Variants in ACADL observed in about 807,000 individuals in gnomAD.
ACADL encodes long-chain specific acyl-CoA dehydrogenase, mitochondrial.
In ACADL, 60 loss-of-function variants were observed where a neutral mutation model predicts 56.9. The observed-to-expected ratio is 1.05, with a 90% CI of 0.86 to 1.31. The LOEUF is 1.31. Ranked by LOEUF, ACADL falls within the 50% of genes most tolerant of loss-of-function variation. The pLI, the probability that ACADL is intolerant of heterozygous loss-of-function variation, is 0.00. For missense variants in ACADL, 484 were observed against 525.5 expected, an observed-to-expected ratio of 0.92 and a Z score of 0.77; for synonymous variants, 158 against 179.7, an observed-to-expected ratio of 0.88 and a Z score of 0.97.
Position 210,225,280 on chromosome 2 carries a change from C to T in ACADL, c.-17G>A. On this transcript the variant is annotated 5_prime_UTR_variant, in exon 1 of 11. Transcript: ENST00000233710. ...TGCGGCCATGTCCGAAACACAGGGG[C>T]GGCGGGGCGACGGAGGCGACTCTGC... 1.3e-6 allele frequency: 2 copies of T among 1,549,096 alleles called. No homozygotes were observed. The highest frequency in any genetic ancestry group is 1.2e-5 in the South Asian group (1 of 84,496).
Position 210,198,953 on chromosome 2 carries a change from A to G in ACADL, c.985-3615T>C, listed in dbSNP as rs1412433530. On this transcript the variant is annotated intron_variant, in intron 8 of 10. Coordinates refer to ENST00000233710, the MANE Select transcript of ACADL (RefSeq NM_001608.4). ...TTGCTACATCCATACGTAGGTTTCT[A>G]TTCTAAAAAGAAAATAAATTTTGTG... Among the ~76,000 whole-genome samples, 7 of 152,254 alleles carry G rather than the reference A, an allele frequency of 4.6e-5. No homozygotes were observed. In the East Asian group the frequency reaches 1.2e-3, roughly 25 times the overall value.
At position 210,188,170 on chromosome 2, in the gene ACADL, A is replaced by G. The variant is rs1055900149; in HGVS notation, c.*791T>C. 6.6e-6 allele frequency: 1 copy of G among 152,246 alleles called. No individual in the cohort carries two copies. Among genetic ancestry groups the G allele is most frequent in the Non-Finnish European group, 1.5e-5 (1 of 68,046 alleles). The allele number at this position is 152,246 out of a possible 1,614,324, so 9.4% of individuals were successfully genotyped here. A position where few individuals can be genotyped will look rare whatever the true frequency, so the allele number is the denominator to read the frequency against. On this transcript the variant is annotated 3_prime_UTR_variant, in exon 11 of 11. Transcript: ENST00000233710. ...ACAGCCTGGTTTATAGAAGACATAAAGTAATTATTAAGTTAATAAATACAT... is the reference window on the plus strand; with the variant it reads ...ACAGCCTGGTTTATAGAAGACATAAGGTAATTATTAAGTTAATAAATACAT...
At position 210,205,680 on chromosome 2, in the gene ACADL, T is replaced by C; in HGVS notation, c.720A>G (p.Lys240=). The change falls in exon 6 of 11, where the codon AAA becomes AAG. Residue 240 remains lysine (K), a synonymous_variant. Coordinates refer to ENST00000233710, the MANE Select transcript of ACADL (RefSeq NM_001608.4). ...GTAGCTTTCGTCCCTTGATAAATCCTTTCATTCCATTTTCCACCAGAAAAA... is the reference window on the plus strand; with the variant it reads ...GTAGCTTTCGTCCCTTGATAAATCCCTTCATTCCATTTTCCACCAGAAAAA... ...ISLFLVENGM[K]GFIKGRKLHK... 1.2e-6 allele frequency: 2 copies of C among 1,613,964 alleles called. No individual in the cohort carries two copies. The highest frequency in any genetic ancestry group is 1.7e-6 in the Non-Finnish European group (2 of 1,179,944).
At position 210,216,312 on chromosome 2, in the gene ACADL, T is replaced by C. The variant is rs181860201; in HGVS notation, c.536+35A>G. 4.3e-5 allele frequency: 70 copies of C among 1,611,288 alleles called. No individual in the cohort carries two copies. The African/African-American group carries it at 8.9e-4, about 21-fold the overall frequency. Reference sequence around the variant, plus strand: ...ACTAAGAAAATGTTAAGGCACTGCTTCCAAGAATCCAAAGCCAACTAAATA... The same window carrying C: ...ACTAAGAAAATGTTAAGGCACTGCTCCCAAGAATCCAAAGCCAACTAAATA... On this transcript the variant is annotated intron_variant, in intron 4 of 10. Coordinates refer to ENST00000233710, the MANE Select transcript of ACADL (RefSeq NM_001608.4).
chr2:210,190,720 C>A (rs910308572), intron 10 of ACADL, among the ~76,000 whole-genome samples: 1 of 151,876 alleles, frequency 6.6e-6, no homozygotes, highest in African/African-American at 2.4e-5. Flanking sequence ...AACAAAAAAA[C>A]AAAATAAAAA....
chr2:210,224,281 G>T, intron 1 of ACADL: 1 of 335,528 alleles, frequency 3.0e-6, no homozygotes, highest in Non-Finnish European at 4.2e-6. Flanking sequence ...ATGTTCCAAG[G>T]AAGAGTTAAG....
intron 5 of ACADL, among the ~76,000 whole-genome samples, chr2:210,206,194 T>C (rs185350549): frequency 9.1e-4 from 138 of 152,112 alleles, no homozygotes; most frequent in African/African-American, 3.2e-3. Flanking sequence ...CCCCAGCACT[T>C]TGGGAGGCCG....
intron 1 of ACADL, among the ~76,000 whole-genome samples, chr2:210,222,769 A>G (rs531768242): frequency 6.6e-6 from 1 of 152,330 alleles, no homozygotes; most frequent in African/African-American, 2.4e-5. Flanking sequence ...TTCTAGGAAG[A>G]AGAGATAACA....
At chr2:210,217,717 A>G (rs1689109179) in intron 3 of ACADL, 1 of 445,784 alleles carries the variant, frequency 2.2e-6, no homozygotes, top group Non-Finnish European at 4.0e-6. Context: ...CATTGACAGG[A>G]AAAAAAAACT....
chr2:210,205,781 C>T lies in ACADL; in HGVS notation c.619G>A (p.Gly207Arg). Residue 207 changes from glycine (G) to arginine (R), a missense_variant, in exon 6 of 11, where the codon GGG becomes AGG. Coordinates refer to ENST00000233710, the MANE Select transcript of ACADL (RefSeq NM_001608.4). ...ACAATCACAACATCACTTAATGACC[C>T]ATTACTGATGAACACCTGCAAAACC... The part of the protein sequence containing the change: ...LNGSKVFISN[G>R]SLSDVVIVVA... 6.2e-7 allele frequency: 1 copy of T among 1,613,944 alleles called. No individual in the cohort carries two copies.
intron 8 of ACADL, among the ~76,000 whole-genome samples, chr2:210,200,320 G>C (rs1320231518): frequency 6.6e-6 from 1 of 152,052 alleles, no homozygotes; most frequent in African/African-American, 2.4e-5. Context: ...TTTCTCAATG[G>C]GAAATTATTG....
intron 8 of ACADL, among the ~76,000 whole-genome samples, chr2:210,196,176 T>C (rs1187076993): frequency 1.3e-5 from 2 of 152,120 alleles, no homozygotes; most frequent in African/African-American, 2.4e-5. Context: ...CCTGCTACCA[T>C]GTAAGATGTG....
chr2:210,218,359 C>T, intron 2 of ACADL: 2 of 396,008 alleles, frequency 5.1e-6, no homozygotes, highest in South Asian at 5.1e-5. Context: ...TGGATCACTG[C>T]AGCCTCAAAA....
Position 210,220,804 on chromosome 2 carries a change from T to G in ACADL, c.78-2A>C. On this transcript the variant is annotated splice_acceptor_variant, in intron 1 of 10. Coordinates refer to ENST00000233710, the MANE Select transcript of ACADL (RefSeq NM_001608.4). LOFTEE classifies it high-confidence loss of function. The stretch of plus-strand genomic sequence containing the variant: ...TCTTCCCCTCCGGAATGAGAACATC[T>G]TAAAAATATATATATGCAATAGGAA... The G allele has an allele frequency of 6.3e-7, 1 of 1,591,594 alleles. No individual in the cohort carries two copies. The highest frequency in any genetic ancestry group is 2.2e-4 in the Middle Eastern group (1 of 4,614).
intron 4 of ACADL, among the ~76,000 whole-genome samples, chr2:210,213,988 C>A (rs1178078493): frequency 6.6e-6 from 1 of 151,682 alleles, no homozygotes; most frequent in Non-Finnish European, 1.5e-5. Context: ...TCAGACCAGC[C>A]TGGGAAATAT....
At position 210,203,397 on chromosome 2, in the gene ACADL, C is replaced by T; in HGVS notation, c.918G>A (p.Met306Ile). Reference protein sequence around the residue: ...ADVAISASEFMFEETRNYVKQ... With the variant: ...ADVAISASEFIFEETRNYVKQ... ...TAACATAGTTCCTGGTTTCTTCAAACATGAATTCACTAGCTGAAATTGCCA... is the reference window on the plus strand; with the variant it reads ...TAACATAGTTCCTGGTTTCTTCAAATATGAATTCACTAGCTGAAATTGCCA... Residue 306 changes from methionine (M) to isoleucine (I), a missense_variant, in exon 8 of 11, where the codon ATG becomes ATA. Met to Ile is a conservative substitution (Grantham distance 10). Transcript: ENST00000233710. 5 of 1,606,976 alleles carry T rather than the reference C, an allele frequency of 3.1e-6. No homozygotes were observed. The highest frequency in any genetic ancestry group is 3.4e-6 in the Non-Finnish European group (4 of 1,174,464).
At chr2:210,205,328 A>G (rs1259739859) in intron 6 of ACADL, among the ~76,000 whole-genome samples, 2 of 152,136 alleles carry the variant, frequency 1.3e-5, no homozygotes, top group Non-Finnish European at 2.9e-5. Context: ...GCCTGGCCAC[A>G]CTTTATTTTT....
In ACADL at chr2:210,211,663, CTG is replaced by C. The variant is rs559095726; in HGVS notation, c.537-1403_537-1402del. On this transcript the variant is annotated intron_variant, in intron 4 of 10. Coordinates refer to ENST00000233710, the MANE Select transcript of ACADL (RefSeq NM_001608.4). Reference sequence around the variant, plus strand: ...GCTTCCCCTCTGCCTTCTGCCATGACTGTAAGTTTCCTGAGGCCTCCCAAGCC... The same window carrying C: ...GCTTCCCCTCTGCCTTCTGCCATGACTAAGTTTCCTGAGGCCTCCCAAGCC... Among the ~76,000 whole-genome samples the C allele has an allele frequency of 2.6e-5, 4 of 152,260 alleles. No homozygotes were observed. In the East Asian group the frequency reaches 7.7e-4, roughly 29 times the overall value.
intron 10 of ACADL, among the ~76,000 whole-genome samples, chr2:210,192,548 A>G (rs1421056619): frequency 6.6e-6 from 1 of 152,154 alleles, no homozygotes; most frequent in African/African-American, 2.4e-5. Flanking sequence ...GTCCTTCTAC[A>G]TAAGGATTCA....
Sources: allele counts gnomAD v4.1 joint callset (sites outside exome capture counted in the v4.1 genomes callset), GRCh38; gene constraint gnomAD v4.1.1; transcripts MANE v1.5; gene names NCBI Gene and HGNC (gene_info 2026-07-23, HGNC 2026-07-21).